ZNF713: variants seen among roughly 807,000 people sequenced by gnomAD.
The protein encoded by ZNF713 is zinc finger protein 713.
In ZNF713, 21 loss-of-function variants were observed where a neutral mutation model predicts 28.7. That is an observed-to-expected ratio of 0.73 (90% CI 0.52 to 1.05). The LOEUF (loss-of-function observed/expected upper bound fraction) is 1.05, where lower values mean the gene tolerates loss of function less well. ZNF713 is among the 50% of genes least tolerant of loss of function. The pLI is 0.00. For missense variants in ZNF713, 458 were observed against 532.4 expected (o/e 0.86, Z 1.37); for synonymous variants, 167 against 178.0 (o/e 0.94, Z 0.49).
At position 55,939,811 on chromosome 7, in the gene ZNF713, C is replaced by T; in HGVS notation, c.1137C>T (p.Phe379=). The change falls in exon 7 of 7, where the codon TTC becomes TTT. Residue 379 remains phenylalanine (F), a synonymous_variant. Coordinates refer to ENST00000429591, the MANE Select transcript of ZNF713 (RefSeq NM_182633.3). ...AATGTGGTTTCTGTGGCAAAGCCTT[C>T]AGTCAGAGGACACATCTGAATCAAC... The part of the protein sequence containing the change: ...PYECGFCGKA[F]SQRTHLNQHE... The T allele has an allele frequency of 6.2e-7, 1 of 1,614,138 alleles. No homozygotes were observed. The highest frequency in any genetic ancestry group is 8.5e-7 in the Non-Finnish European group (1 of 1,180,034).
intron 4 of ZNF713, among the ~76,000 whole-genome samples, chr7:55,916,536 A>C (rs1394415902): frequency 6.6e-6 from 1 of 152,256 alleles, no homozygotes; most frequent in Non-Finnish European, 1.5e-5. Flanking sequence ...TATAAGCTTC[A>C]TAAAGGCAGG....
chr7:55,926,612 A>G (rs1236562769), intron 6 of ZNF713, among the ~76,000 whole-genome samples: 1 of 152,126 alleles, frequency 6.6e-6, no homozygotes, highest in Non-Finnish European at 1.5e-5. Flanking sequence ...CCTCATTGTT[A>G]TTGACATTTG....
At chr7:55,918,230 G>T in intron 4 of ZNF713, 3 of 371,220 alleles carry the variant, frequency 8.1e-6, no homozygotes, top group Non-Finnish European at 1.7e-5. Flanking sequence ...AGCCCATATG[G>T]AGAGGAGCCA....
chr7:55,927,676 C>T (rs1174962776), intron 6 of ZNF713, among the ~76,000 whole-genome samples: 1 of 151,782 alleles, frequency 6.6e-6, no homozygotes, highest in Non-Finnish European at 1.5e-5. Context: ...ATGGACGGAT[C>T]ACTTGAGGTC....
chr7:55,930,643 CA>C (rs1415306583), intron 6 of ZNF713, among the ~76,000 whole-genome samples: 1 of 152,100 alleles, frequency 6.6e-6, no homozygotes, highest in Non-Finnish European at 1.5e-5. Flanking sequence ...CCTGTAGTCC[CA>C]GCTATTCGGG....
At chr7:55,899,976 T>G (rs911464014) in intron 1 of ZNF713, among the ~76,000 whole-genome samples, 2 of 151,938 alleles carry the variant, frequency 1.3e-5, no homozygotes, top group African/African-American at 4.8e-5. Flanking sequence ...TCTCCTGATC[T>G]CAGATGATCC....
chr7:55,940,235 G>C lies in ZNF713; in HGVS notation c.*229G>C. ...CCACCTGGGTTCAAGCGATTCTCCT[G>C]CCTCAGCCTCCTGAGTAGCTGGGAC... On this transcript the variant is annotated 3_prime_UTR_variant, in exon 7 of 7. Transcript: ENST00000429591. The C allele has an allele frequency of 2.8e-6, 2 of 702,442 alleles. No individual in the cohort carries two copies. Among genetic ancestry groups the C allele is most frequent in the Non-Finnish European group, 4.0e-6 (2 of 495,932 alleles). 43.5% of individuals were successfully genotyped at this position (702,442 alleles called of 1,614,324 possible).
At chr7:55,907,251 G>T (rs1464987671) in intron 2 of ZNF713, among the ~76,000 whole-genome samples, 1 of 152,124 alleles carries the variant, frequency 6.6e-6, no homozygotes, top group Non-Finnish European at 1.5e-5. Context: ...GTATTATGGT[G>T]TTTCCTTCTT....
chr7:55,932,284 T>C (rs1308367707), intron 6 of ZNF713, among the ~76,000 whole-genome samples: 2 of 151,972 alleles, frequency 1.3e-5, no homozygotes, highest in Non-Finnish European at 2.9e-5. Flanking sequence ...ATTCCAGCAC[T>C]TTGGGAAGCC....
intron 1 of ZNF713, among the ~76,000 whole-genome samples, chr7:55,904,977 C>T (rs1785652659): frequency 6.6e-6 from 1 of 152,116 alleles, no homozygotes; most frequent in African/African-American, 2.4e-5. Context: ...CCACCCACCT[C>T]ATCCTCCCAA....
chr7:55,888,988 G>A (rs1785330260), intron 1 of ZNF713, among the ~76,000 whole-genome samples: 1 of 151,852 alleles, frequency 6.6e-6, no homozygotes. Context: ...GGAGATGAAG[G>A]TTGCAGTGAG....
At chr7:55,888,808 G>A (rs13244248) in intron 1 of ZNF713, among the ~76,000 whole-genome samples, 1 of 152,010 alleles carries the variant, frequency 6.6e-6, no homozygotes, top group Non-Finnish European at 1.5e-5. Flanking sequence ...AGCACTTTGG[G>A]AGGCAGAGGC....
intron 6 of ZNF713, among the ~76,000 whole-genome samples, chr7:55,933,936 G>C (rs1357466478): frequency 3.3e-5 from 5 of 151,880 alleles, no homozygotes; most frequent in Admixed American, 3.3e-4. Flanking sequence ...GAGCTCCTGG[G>C]CTCAAGCATT....
chr7:55,940,082 T>C lies in ZNF713; in HGVS notation c.*76T>C. Reference sequence around the variant, plus strand: ...TCAGACCTTTTTATCCCATTCAATATCAAATTATTCATAGTGGAGAGAAAG... The same window carrying C: ...TCAGACCTTTTTATCCCATTCAATACCAAATTATTCATAGTGGAGAGAAAG... On this transcript the variant is annotated 3_prime_UTR_variant, in exon 7 of 7. Transcript: ENST00000429591. 1 of 1,488,188 alleles carries C rather than the reference T, an allele frequency of 6.7e-7. No homozygotes were observed. Among genetic ancestry groups the C allele is most frequent in the Non-Finnish European group, 8.9e-7 (1 of 1,124,446 alleles). The allele number at this position is 1,488,188 out of a possible 1,614,324, so 92.2% of individuals were successfully genotyped here.
At position 55,941,695 on chromosome 7, in the gene ZNF713, T is replaced by G. The variant is rs529961087; in HGVS notation, c.*1689T>G. On this transcript the variant is annotated 3_prime_UTR_variant, in exon 7 of 7. Transcript: ENST00000429591. ...AAATAAGTTATATGCTAGTTTTATATGCTAATTAAATTTATTCTACTCTTC... is the reference window on the plus strand; with the variant it reads ...AAATAAGTTATATGCTAGTTTTATAGGCTAATTAAATTTATTCTACTCTTC... 48 of 152,266 alleles carry G rather than the reference T, an allele frequency of 3.2e-4. No homozygotes were observed. Among genetic ancestry groups the G allele is most frequent in the Non-Finnish European group, 5.3e-4 (36 of 68,026 alleles). 9.4% of individuals were successfully genotyped at this position (152,266 alleles called of 1,614,324 possible).
At chr7:55,908,526 A>G (rs1483609011) in intron 2 of ZNF713, among the ~76,000 whole-genome samples, 1 of 151,022 alleles carries the variant, frequency 6.6e-6, no homozygotes, top group African/African-American at 2.4e-5. Flanking sequence ...TTTGCATTTC[A>G]CTGTTGATGA....
At chr7:55,917,042 G>A (rs1382508990) in intron 4 of ZNF713, among the ~76,000 whole-genome samples, 29 of 152,006 alleles carry the variant, frequency 1.9e-4, no homozygotes, top group Non-Finnish European at 1.2e-4. Flanking sequence ...GTGAAACCCC[G>A]TCTCTACTAA....
chr7:55,892,624 G>A (rs1022246162), intron 1 of ZNF713, among the ~76,000 whole-genome samples: 2 of 143,820 alleles, frequency 1.4e-5, no homozygotes, highest in Admixed American at 1.4e-4. Context: ...TGTAATCCCA[G>A]CACTTTAGGA....
intron 1 of ZNF713, among the ~76,000 whole-genome samples, chr7:55,898,905 AAG>A (rs1163415346): frequency 6.6e-6 from 1 of 152,134 alleles, no homozygotes; most frequent in East Asian, 1.9e-4. Flanking sequence ...AAACCACAAT[AAG>A]AGAGCACTCA....
Sources: gnomAD v4.1 joint callset for allele counts (sites outside exome capture counted in the v4.1 genomes callset) on GRCh38, gnomAD v4.1.1 for gene constraint, MANE v1.5 for transcripts, NCBI Gene and HGNC (gene_info 2026-07-23, HGNC 2026-07-21) for gene names.